Variants in ASCC3 observed in about 807,000 individuals in gnomAD.
ASCC3 encodes activating signal cointegrator 1 complex subunit 3, also known as ASC-1 complex subunit P200.
ASCC3 carries 158 observed loss-of-function variants against 256.3 expected under a neutral mutation model. That is an observed-to-expected ratio of 0.62 (90% CI 0.54 to 0.70). The LOEUF (loss-of-function observed/expected upper bound fraction) is 0.70, where lower values mean the gene tolerates loss of function less well. ASCC3 is among the 30% of genes least tolerant of loss of function. The probability of loss-of-function intolerance (pLI) is 0.00; values close to 1 mark genes in which losing one functional copy is unlikely to be tolerated. For synonymous variants in ASCC3, 948 were observed against 883.4 expected, an observed-to-expected ratio of 1.07 and a Z score of -1.30; for missense variants, 2,259 against 2,626.0, an observed-to-expected ratio of 0.86 and a Z score of 3.05.
chr6:100,710,136 T>A (rs958289551), intron 13 of ASCC3, among the ~76,000 whole-genome samples: 87 of 152,190 alleles, frequency 5.7e-4, no homozygotes, highest in Non-Finnish European at 1.8e-4. Flanking sequence ...ATCCAAAAGT[T>A]TGTTAGTAGA....
At chr6:100,819,877 A>C (rs915646562) in intron 4 of ASCC3, among the ~76,000 whole-genome samples, 1 of 151,928 alleles carries the variant, frequency 6.6e-6, no homozygotes, top group African/African-American at 2.4e-5. Context: ...CAATCCAATC[A>C]AGTTTACACT....
intron 8 of ASCC3, among the ~76,000 whole-genome samples, chr6:100,772,171 G>A (rs952937558): frequency 3.3e-5 from 5 of 151,962 alleles, no homozygotes; most frequent in African/African-American, 1.2e-4. Context: ...ATGAGCCACC[G>A]CACCTAGCCC....
rs1365979692 is a variant in ASCC3, at chr6:100,718,132, G to C, written c.2022C>G (p.Gly674=). The C allele has an allele frequency of 2.5e-6, 4 of 1,613,522 alleles. No individual in the cohort carries two copies. The highest frequency in any genetic ancestry group is 3.4e-6 in the Non-Finnish European group (4 of 1,179,748). Residue 674 remains glycine (G), a synonymous_variant, in exon 12 of 42, where the codon GGC becomes GGG. Transcript: ENST00000369162. ...GTCCAAGAGGTACTGGTCGAAAACG[G>C]CCATCAAAGAAGAAAAGTCCAATGT... ...NPYIGLFFFD[G]RFRPVPLGQT... is the part of the protein sequence containing the mutation.
At chr6:100,771,701 A>G (rs1020041006) in intron 8 of ASCC3, among the ~76,000 whole-genome samples, 3 of 152,088 alleles carry the variant, frequency 2.0e-5, no homozygotes, top group African/African-American at 7.2e-5. Flanking sequence ...AATTAAAATC[A>G]CAACTATGCA....
chr6:100,682,406 GA>G (rs1777351411), intron 13 of ASCC3, among the ~76,000 whole-genome samples: 1 of 152,130 alleles, frequency 6.6e-6, no homozygotes, highest in Non-Finnish European at 1.5e-5. Flanking sequence ...GTGTAAAACA[GA>G]GTTAAAAAAT....
chr6:100,738,711 T>C (rs1452064569), intron 10 of ASCC3, among the ~76,000 whole-genome samples: 2 of 152,324 alleles, frequency 1.3e-5, no homozygotes, highest in East Asian at 1.9e-4. Context: ...TTCTTTTTTG[T>C]TCCACATGAA....
At chr6:100,872,476 G>GGC (rs1466153574) in intron 1 of ASCC3, among the ~76,000 whole-genome samples, 1 of 115,542 alleles carries the variant, frequency 8.7e-6, no homozygotes, top group African/African-American at 3.2e-5. Context: ...GGTCGGGGGG[G>GGC]GATCATGGCA....
chr6:100,638,745 G>A lies in ASCC3; in HGVS notation c.3978C>T (p.His1326=). The A allele has an allele frequency of 6.2e-7, 1 of 1,614,134 alleles. No individual in the cohort carries two copies. Among genetic ancestry groups the A allele is most frequent in the Non-Finnish European group, 8.5e-7 (1 of 1,179,992 alleles). The part of the protein sequence containing the change: ...KAYEALYNFS[H]FNPVQTQIFH... ...ATATTTGTGTCTGTACAGGGTTAAA[G>A]TGGCTGAAGTTGTACAGGGCTTCAT... The change falls in exon 25 of 42, where the codon CAC becomes CAT. Residue 1326 remains histidine (H), a synonymous_variant. Coordinates refer to ENST00000369162, the MANE Select transcript of ASCC3 (RefSeq NM_006828.4).
At chr6:100,766,935 A>C (rs1205205427) in intron 9 of ASCC3, among the ~76,000 whole-genome samples, 1 of 152,208 alleles carries the variant, frequency 6.6e-6, no homozygotes, top group Non-Finnish European at 1.5e-5. Context: ...AATTGTATAG[A>C]TGTATTTTCA....
chr6:100,767,758 G>A (rs952268614), intron 8 of ASCC3, among the ~76,000 whole-genome samples: 2 of 149,018 alleles, frequency 1.3e-5, no homozygotes, highest in Non-Finnish European at 3.0e-5. Context: ...ACAGGCTCCC[G>A]CCACCATGCC....
chr6:100,736,236 A>G (rs1253195791), intron 10 of ASCC3, among the ~76,000 whole-genome samples: 1 of 152,232 alleles, frequency 6.6e-6, no homozygotes, highest in Non-Finnish European at 1.5e-5. Flanking sequence ...CTATGTAGCT[A>G]TGTAGGTTTA....
At chr6:100,573,650 T>C (rs1292662303) in intron 36 of ASCC3, among the ~76,000 whole-genome samples, 1 of 152,070 alleles carries the variant, frequency 6.6e-6, no homozygotes, top group Admixed American at 6.6e-5. Flanking sequence ...TATTTTTATT[T>C]CTCCAACATG....
At chr6:100,725,428 G>A (rs750841164) in intron 11 of ASCC3, 111 bp downstream of exon 11, 4 of 1,169,046 alleles carry the variant, frequency 3.4e-6, no homozygotes, top group South Asian at 1.3e-5. Flanking sequence ...TGAAGATTAT[G>A]TCAATATTAG....
chr6:100,762,249 G>A lies in ASCC3; in HGVS notation c.1737+4316C>T, dbSNP rs571138428. 5.5e-5 allele frequency among the ~76,000 whole-genome samples: 8 copies of A among 146,742 alleles called. No homozygotes were observed. In the South Asian group the frequency reaches 9.1e-4, roughly 17 times the overall value. ...TACACAGGTAAACGCCTCCCCCTAC[G>A]AGGATGAGCAAACAAATATAAAAGA... On this transcript the variant is annotated intron_variant, in intron 10 of 41. Coordinates refer to ENST00000369162, the MANE Select transcript of ASCC3 (RefSeq NM_006828.4).
chr6:100,539,731 T>C (rs914547824), intron 37 of ASCC3, among the ~76,000 whole-genome samples: 6 of 152,048 alleles, frequency 3.9e-5, no homozygotes, highest in African/African-American at 1.5e-4. Context: ...GTACAAAACA[T>C]TACCCTCCGT....
chr6:100,608,768 T>C (rs561519606), intron 30 of ASCC3, among the ~76,000 whole-genome samples: 9 of 58,966 alleles, frequency 1.5e-4, no homozygotes, highest in African/African-American at 3.2e-4. Context: ...TATATATATA[T>C]ACTTTTTCTT....
intron 13 of ASCC3, 193 bp downstream of exon 13, chr6:100,715,269 T>C (rs1234635685): frequency 1.8e-6 from 1 of 554,086 alleles, no homozygotes; most frequent in Non-Finnish European, 3.2e-6. Context: ...AATACTGGGA[T>C]GATAATATCT....
chr6:100,798,018 G>C (rs1769717700), intron 8 of ASCC3, among the ~76,000 whole-genome samples: 1 of 152,028 alleles, frequency 6.6e-6, no homozygotes, highest in Non-Finnish European at 1.5e-5. Context: ...CATTTTGGTT[G>C]GCTGTGAGTA....
chr6:100,608,731 TTATATATA>T (rs1169558095), intron 30 of ASCC3, among the ~76,000 whole-genome samples: 48 of 2,712 alleles, frequency 0.018, 11 homozygotes, highest in African/African-American at 0.048. Flanking sequence ...TATATATACT[TTATATATA>T]TATATATATA....
Sources: gnomAD v4.1 joint callset for allele counts (sites outside exome capture counted in the v4.1 genomes callset) on GRCh38, gnomAD v4.1.1 for gene constraint, MANE v1.5 for transcripts, NCBI Gene and HGNC (gene_info 2026-07-23, HGNC 2026-07-21) for gene names.